The following ELAVL4 variants were observed in gnomAD, a reference collection of about 807,000 sequenced individuals.
ELAVL4 encodes ELAV like RNA binding protein 4.
A neutral mutation model predicts 35.6 loss-of-function variants in ELAVL4; 1 was observed. The ratio of observed to expected loss-of-function variants is 0.03; its 90% CI spans 0.01 to 0.13. The LOEUF (loss-of-function observed/expected upper bound fraction) is 0.13. Ranked by LOEUF, ELAVL4 falls within the 10% of genes least tolerant of loss-of-function variation. The pLI is 1.00. For synonymous variants in ELAVL4, 156 were observed against 171.0 expected, an observed-to-expected ratio of 0.91 and a Z score of 0.69; for missense variants, 267 against 464.9, an observed-to-expected ratio of 0.57 and a Z score of 3.91.
chr1:50,167,019 G>A (rs1342941239), intron 2 of ELAVL4, among the ~76,000 whole-genome samples: 1 of 152,194 alleles, frequency 6.6e-6, no homozygotes, highest in Non-Finnish European at 1.5e-5. Context: ...TGGATCACTA[G>A]AGGTGATGGT....
At chr1:50,118,359 C>T (rs1245557434) in intron 1 of ELAVL4, among the ~76,000 whole-genome samples, 1 of 152,050 alleles carries the variant, frequency 6.6e-6, no homozygotes, top group East Asian at 1.9e-4. Flanking sequence ...CATCAGTTTT[C>T]CTTCTGCTTG....
At chr1:50,194,554 G>A (rs962546765) in intron 4 of ELAVL4, among the ~76,000 whole-genome samples, 1 of 152,170 alleles carries the variant, frequency 6.6e-6, no homozygotes, top group East Asian at 1.9e-4. Flanking sequence ...CACCCCCTGA[G>A]AATAGTTTAG....
chr1:50,097,510 C>T (rs1360600285), intron 1 of ELAVL4, among the ~76,000 whole-genome samples: 1 of 152,104 alleles, frequency 6.6e-6, no homozygotes, highest in Non-Finnish European at 1.5e-5. Flanking sequence ...GGTTCTGGTC[C>T]AGAGAGGAGA....
At chr1:50,170,320 C>T (rs1162834881) in intron 2 of ELAVL4, among the ~76,000 whole-genome samples, 3 of 152,238 alleles carry the variant, frequency 2.0e-5, no homozygotes, top group South Asian at 2.1e-4. Context: ...AGCAGAAAGA[C>T]GCAAAGTAAG....
intron 1 of ELAVL4, among the ~76,000 whole-genome samples, chr1:50,054,050 G>T (rs1314784174): frequency 6.6e-6 from 1 of 152,204 alleles, no homozygotes. Flanking sequence ...CAGCAAGGAG[G>T]TCAGTGTGGC....
At chr1:50,146,795 T>C (rs1428981590) in intron 2 of ELAVL4, among the ~76,000 whole-genome samples, 1 of 152,196 alleles carries the variant, frequency 6.6e-6, no homozygotes. Context: ...TAGTATAGCC[T>C]TACCTTCAAA....
chr1:50,187,401 C>T (rs1047443256), intron 3 of ELAVL4, among the ~76,000 whole-genome samples: 3 of 152,104 alleles, frequency 2.0e-5, no homozygotes, highest in African/African-American at 7.2e-5. Flanking sequence ...TCTTGTTTAA[C>T]CCTCAAACAG....
At chr1:50,144,783 T>C (rs769234523) in intron 1 of ELAVL4, 174 bp from the exon 2 acceptor site, 1 of 966,080 alleles carries the variant, frequency 1.0e-6, no homozygotes, top group Non-Finnish European at 1.7e-6. Flanking sequence ...AAAGAGGAGT[T>C]TAACATTTTG....
At position 50,173,794 on chromosome 1, in the gene ELAVL4, C is replaced by A. The variant is rs552239579; in HGVS notation, c.251-3295C>A. ...AATACTGTTGCCATCCCTATGTTCT[C>A]AAATCTTGCTACTGCTGATAAAGGG... is the stretch of plus-strand genomic sequence containing the variant. On this transcript the variant is annotated intron_variant, in intron 2 of 6. Transcript: ENST00000371824. Among the ~76,000 whole-genome samples, 3 of 152,100 alleles carry A rather than the reference C, an allele frequency of 2.0e-5. No homozygotes were observed. In the South Asian group the frequency reaches 6.2e-4, roughly 32 times the overall value.
intron 3 of ELAVL4, among the ~76,000 whole-genome samples, chr1:50,189,797 G>T (rs985660332): frequency 2.0e-5 from 3 of 152,150 alleles, no homozygotes; most frequent in Non-Finnish European, 4.4e-5. Context: ...ACCCATCAAA[G>T]GATAATTGAC....
intron 1 of ELAVL4, chr1:50,109,754 C>T (rs901611444): frequency 4.6e-6 from 3 of 651,818 alleles, no homozygotes; most frequent in Non-Finnish European, 5.4e-6. Context: ...TCTTGTATTT[C>T]AAAGAGTTTC....
chr1:50,084,356 T>G (rs1665141522), intron 1 of ELAVL4, among the ~76,000 whole-genome samples: 3 of 152,212 alleles, frequency 2.0e-5, no homozygotes, highest in Non-Finnish European at 4.4e-5. Context: ...TCCTGCTTAG[T>G]TTACAACATT....
chr1:50,167,909 T>A (rs1435922049), intron 2 of ELAVL4, among the ~76,000 whole-genome samples: 2 of 152,192 alleles, frequency 1.3e-5, no homozygotes, highest in African/African-American at 4.8e-5. Context: ...TCATGCTTCT[T>A]CCAAGTCCCT....
chr1:50,136,607 A>C (rs1671927338), intron 1 of ELAVL4, among the ~76,000 whole-genome samples: 1 of 152,134 alleles, frequency 6.6e-6, no homozygotes, highest in African/African-American at 2.4e-5. Context: ...ATATTTAATA[A>C]AATACATGCA....
At chr1:50,099,478 T>C (rs983552922), upstream of ELAVL4, among the ~76,000 whole-genome samples, 1 of 147,492 alleles carries the variant, frequency 6.8e-6, no homozygotes, top group African/African-American at 2.5e-5. Flanking sequence ...GAGAATTGCT[T>C]GAACCAGGAA....
chr1:50,143,847 A>G (rs1673233037), intron 1 of ELAVL4, among the ~76,000 whole-genome samples: 1 of 152,128 alleles, frequency 6.6e-6, no homozygotes, highest in African/African-American at 2.4e-5. Context: ...TCTGGGCTTC[A>G]TCTCGAATGT....
At chr1:50,113,299 A>C (rs1667393315) in intron 1 of ELAVL4, among the ~76,000 whole-genome samples, 1 of 151,986 alleles carries the variant, frequency 6.6e-6, no homozygotes, top group African/African-American at 2.4e-5. Flanking sequence ...ATGTAGGCCA[A>C]ATACTATTTC....
upstream of ELAVL4, among the ~76,000 whole-genome samples, chr1:50,104,853 C>G (rs1666183079): frequency 6.6e-6 from 1 of 152,172 alleles, no homozygotes; most frequent in South Asian, 2.1e-4. Flanking sequence ...TTGGGACATT[C>G]TGTTTATTCT....
chr1:50,066,629 A>G (rs1286091340), intron 1 of ELAVL4, among the ~76,000 whole-genome samples: 7 of 152,204 alleles, frequency 4.6e-5, no homozygotes. Flanking sequence ...TTGCAGAGTA[A>G]AAAATACTAT....
Sources: allele counts gnomAD v4.1 joint callset (sites outside exome capture counted in the v4.1 genomes callset), GRCh38; gene constraint gnomAD v4.1.1; transcripts MANE v1.5; gene names NCBI Gene and HGNC (gene_info 2026-07-23, HGNC 2026-07-21).